The following CRADD variants were observed in gnomAD, a reference collection of about 807,000 sequenced individuals.
CRADD encodes the protein death domain-containing protein CRADD.
In CRADD, 9 loss-of-function variants were observed where a neutral mutation model predicts 15.5. That is an observed-to-expected ratio of 0.58 (90% CI 0.35 to 1.01). The LOEUF (loss-of-function observed/expected upper bound fraction) is 1.01, where lower values mean the gene tolerates loss of function less well. Among genes scored for constraint, CRADD ranks in the 50% least tolerant of loss-of-function variants. The probability of loss-of-function intolerance (pLI) is 0.02; values close to 1 mark genes in which losing one functional copy is unlikely to be tolerated. For missense variants in CRADD, 227 were observed against 250.3 expected, an observed-to-expected ratio of 0.91 and a Z score of 0.63; for synonymous variants, 118 against 107.6, an observed-to-expected ratio of 1.10 and a Z score of -0.60.
chr12:93,704,989 T>C (rs930005320), intron 2 of CRADD, among the ~76,000 whole-genome samples: 5 of 152,220 alleles, frequency 3.3e-5, no homozygotes, highest in African/African-American at 9.6e-5. Flanking sequence ...ATTAGCCACC[T>C]CCCAAGTCAC....
chr12:93,809,864 T>C (rs139644372), intron 2 of CRADD, among the ~76,000 whole-genome samples: 1 of 152,300 alleles, frequency 6.6e-6, no homozygotes, highest in African/African-American at 2.4e-5. Context: ...CTTTTTGTAT[T>C]CAACAGTCTC....
At chr12:93,758,929 G>T (rs1456232531) in intron 2 of CRADD, among the ~76,000 whole-genome samples, 1 of 152,100 alleles carries the variant, frequency 6.6e-6, no homozygotes, top group Non-Finnish European at 1.5e-5. Flanking sequence ...ATAAGTTCTT[G>T]TAATCATTTT....
intron 2 of CRADD, among the ~76,000 whole-genome samples, chr12:93,862,671 C>G (rs1379128398): frequency 3.3e-5 from 5 of 152,100 alleles, no homozygotes; most frequent in Admixed American, 2.0e-4. Flanking sequence ...TTTAGACTAC[C>G]AAGAAAACAA....
In CRADD at chr12:93,747,680, C is replaced by T. The variant is rs60156481; in HGVS notation, c.298+68608C>T. Among the ~76,000 whole-genome samples, 624 of 152,244 alleles carry T rather than the reference C, an allele frequency of 4.1e-3. 5 individuals are homozygous for T. The highest frequency in any genetic ancestry group is 0.014 in the African/African-American group (599 of 41,550). On this transcript the variant is annotated intron_variant, in intron 2 of 2. Transcript: ENST00000332896. ...ACAGGGTTTCACTATGTTGGCCAGG[C>T]TGGTCTCGAACTCCTGACCTCGTGA...
chr12:93,723,063 A>G (rs1214490934), intron 2 of CRADD, among the ~76,000 whole-genome samples: 1 of 152,200 alleles, frequency 6.6e-6, no homozygotes, highest in African/African-American at 2.4e-5. Flanking sequence ...AACTGACTCC[A>G]TGTTGCTTCT....
intron 2 of CRADD, chr12:93,837,255 G>T: frequency 8.7e-6 from 1 of 115,352 alleles, no homozygotes; most frequent in Non-Finnish European, 2.2e-5. Context: ...GTTTTTGTTT[G>T]TTTGTTTGTT....
At chr12:93,830,472 T>G (rs981652687) in intron 2 of CRADD, among the ~76,000 whole-genome samples, 2 of 152,230 alleles carry the variant, frequency 1.3e-5, no homozygotes, top group Admixed American at 6.5e-5. Context: ...TGCACCTGCT[T>G]CTTTTAAAGG....
At chr12:93,764,337 G>A (rs1957003454) in intron 2 of CRADD, among the ~76,000 whole-genome samples, 1 of 152,172 alleles carries the variant, frequency 6.6e-6, no homozygotes, top group African/African-American at 2.4e-5. Context: ...AGGGAAGGGG[G>A]AGAATTCTAG....
Position 93,857,103 on chromosome 12 carries a change from A to AGG in CRADD, c.299-36946_299-36945dup, listed in dbSNP as rs1437071208. 3.3e-5 allele frequency among the ~76,000 whole-genome samples: 5 copies of AGG among 152,114 alleles called. No homozygotes were observed. In the East Asian group the frequency reaches 9.7e-4, roughly 29 times the overall value. ...GATAGCTATTGTTAATTCAAAGCAT[A>AGG]GGCTATGAAATCCAGGTTTGAGCAC... On this transcript the variant is annotated intron_variant, in intron 2 of 2. Coordinates refer to the CRADD transcript ENST00000548483.
chr12:93,828,647 G>T (rs1957854128), intron 2 of CRADD, among the ~76,000 whole-genome samples: 2 of 152,278 alleles, frequency 1.3e-5, no homozygotes, highest in Admixed American at 1.3e-4. Context: ...GTTTCCACAT[G>T]GGTGTAAATC....
chr12:93,756,823 A>G (rs891035837), intron 2 of CRADD, among the ~76,000 whole-genome samples: 1 of 152,222 alleles, frequency 6.6e-6, no homozygotes, highest in Non-Finnish European at 1.5e-5. Flanking sequence ...CAGGCAGTGC[A>G]GGACACACAA....
chr12:93,725,903 AG>A (rs999534347), intron 2 of CRADD, among the ~76,000 whole-genome samples: 20 of 152,186 alleles, frequency 1.3e-4, no homozygotes, highest in Admixed American at 2.0e-4. Flanking sequence ...TTTGCAGATA[AG>A]GAAGCTCAGA....
rs1449559941 is a variant in CRADD at position 93,850,291 on chromosome 12, T to C, written c.*20T>C. The C allele has an allele frequency of 5.1e-6, 8 of 1,573,164 alleles. No homozygotes were observed. Among genetic ancestry groups the C allele is most frequent in the African/African-American group, 1.4e-5 (1 of 73,022 alleles). On this transcript the variant is annotated 3_prime_UTR_variant, in exon 3 of 3. Transcript: ENST00000332896. The surrounding 1 kb of genome is among the most constrained non-coding windows in gnomAD (Gnocchi z 4.0). ...GAGTGATGGTGCCTCCAGCAACCGCTGGGGAGTGTGTCCCTGAGTCATGTG... is the reference window on the plus strand; with the variant it reads ...GAGTGATGGTGCCTCCAGCAACCGCCGGGGAGTGTGTCCCTGAGTCATGTG...
At chr12:93,842,445 T>C (rs1958060430) in intron 2 of CRADD, among the ~76,000 whole-genome samples, 1 of 152,030 alleles carries the variant, frequency 6.6e-6, no homozygotes, top group Non-Finnish European at 1.5e-5. Flanking sequence ...TTGGAGGGCT[T>C]TTTTGCTTTA....
intron 2 of CRADD, among the ~76,000 whole-genome samples, chr12:93,688,022 G>T (rs1430261210): frequency 6.6e-6 from 1 of 152,182 alleles, no homozygotes; most frequent in Non-Finnish European, 1.5e-5. Flanking sequence ...ATCAGGTTAT[G>T]TCCAAATGGA....
At chr12:93,704,877 G>A (rs542556861) in intron 2 of CRADD, among the ~76,000 whole-genome samples, 3 of 152,152 alleles carry the variant, frequency 2.0e-5, no homozygotes, top group Admixed American at 6.5e-5. Flanking sequence ...CAGCCTAGCC[G>A]TTCTCTGTGC....
intron 2 of CRADD, among the ~76,000 whole-genome samples, chr12:93,694,975 A>G (rs1383929146): frequency 2.6e-5 from 4 of 152,246 alleles, no homozygotes. Context: ...TGAAATTTAT[A>G]TGGAACCACA....
At chr12:93,698,247 C>G (rs1955757592) in intron 2 of CRADD, among the ~76,000 whole-genome samples, 1 of 151,968 alleles carries the variant, frequency 6.6e-6, no homozygotes, top group Non-Finnish European at 1.5e-5. Context: ...TTTCAGAAGC[C>G]CACTCTTTGC....
In CRADD at chr12:93,850,127, C is replaced by T. The variant is rs1040939152; in HGVS notation, c.456C>T (p.His152=). 9 of 1,614,096 alleles carry T rather than the reference C, an allele frequency of 5.6e-6. No individual in the cohort carries two copies. Among genetic ancestry groups the T allele is most frequent in the Admixed American group, 1.7e-5 (1 of 60,022 alleles). The change falls in exon 3 of 3, where the codon CAC becomes CAT. Residue 152 remains histidine (H), a synonymous_variant. Transcript: ENST00000332896. The surrounding 1 kb of genome is among the most constrained non-coding windows in gnomAD (Gnocchi z 4.0). The stretch of plus-strand genomic sequence containing the variant: ...ATATCTACCGCTGTAAGGCCAACCA[C>T]CCCCACAACGTGCAGTCGCAGGTGG... ...QTDIYRCKAN[H]PHNVQSQVVE...
Sources: gnomAD v4.1 joint callset for allele counts (sites outside exome capture counted in the v4.1 genomes callset) on GRCh38, gnomAD v4.1.1 for gene constraint, Gnocchi (gnomAD v3.1) non-coding constraint, MANE v1.5 for transcripts, NCBI Gene and HGNC (gene_info 2026-07-23, HGNC 2026-07-21) for gene names.